Variants in SOS1 observed in about 807,000 individuals in gnomAD.
SOS1 encodes SOS Ras/Rac guanine nucleotide exchange factor 1, also known as son of sevenless homolog 1.
In SOS1, 25 loss-of-function variants were observed where a neutral mutation model predicts 157.6. That is an observed-to-expected ratio of 0.16 (90% CI 0.12 to 0.22). The LOEUF is 0.22. Ranked by LOEUF, SOS1 falls within the 10% of genes least tolerant of loss-of-function variation. SOS1 has a pLI of 1.00. For synonymous variants in SOS1, 528 were observed against 534.0 expected, an observed-to-expected ratio of 0.99 and a Z score of 0.16; for missense variants, 1,237 against 1,599.1, an observed-to-expected ratio of 0.77 and a Z score of 3.86.
chr2:38,986,225 G>A lies in SOS1; in HGVS notation c.3601C>T (p.Arg1201Trp), dbSNP rs752395541. The A allele has an allele frequency of 1.2e-6, 2 of 1,613,830 alleles. No homozygotes were observed. Among genetic ancestry groups the A allele is most frequent in the South Asian group, 2.2e-5 (2 of 91,064 alleles). Residue 1201 changes from arginine (R) to tryptophan (W), a missense_variant, in exon 23 of 23, where the codon CGG becomes TGG. By Grantham distance (101) the Arg-to-Trp change is moderately radical. Coordinates refer to ENST00000402219, the MANE Select transcript of SOS1 (RefSeq NM_005633.4). ...TCAGGAGGGTCTGAGATAGAGGTCC[G>A]GTCTGATATTGAATATCGTGGTGAA... ...AYSPRYSISD[R>W]TSISDPPESP... is the part of the protein sequence containing the mutation.
At chr2:39,087,164 C>T (rs764935661) in intron 1 of SOS1, among the ~76,000 whole-genome samples, 1 of 151,998 alleles carries the variant, frequency 6.6e-6, no homozygotes, top group Non-Finnish European at 1.5e-5. Flanking sequence ...GTATAGAGGC[C>T]GCTTCAATGC....
chr2:39,081,010 A>T (rs890551632), intron 1 of SOS1, among the ~76,000 whole-genome samples: 2 of 151,558 alleles, frequency 1.3e-5, no homozygotes, highest in African/African-American at 4.8e-5. Flanking sequence ...ACAAAGTGAG[A>T]CCTTGTCTCT....
intron 1 of SOS1, among the ~76,000 whole-genome samples, chr2:39,104,852 T>G (rs1000364364): frequency 6.6e-6 from 1 of 152,168 alleles, no homozygotes; most frequent in Non-Finnish European, 1.5e-5. Context: ...ACATTAAATA[T>G]CTAGAAGAGG....
At chr2:39,093,173 A>G (rs1422831390) in intron 1 of SOS1, among the ~76,000 whole-genome samples, 1 of 152,230 alleles carries the variant, frequency 6.6e-6, no homozygotes, top group Non-Finnish European at 1.5e-5. Context: ...TTTCCCCTAC[A>G]CATATAATGA....
chr2:39,044,864 G>GCGCGCACA (rs147443441), intron 6 of SOS1, among the ~76,000 whole-genome samples: 22,580 of 147,582 alleles, frequency 0.15, 2,096 homozygotes, highest in Non-Finnish European at 0.21. Flanking sequence ...GCGCGCGCGC[G>GCGCGCACA]CACACACACA....
intron 11 of SOS1, 51 bp downstream of exon 11, chr2:39,014,712 ATC>A (rs1370263232): frequency 9.3e-6 from 9 of 971,398 alleles, no homozygotes; most frequent in South Asian, 5.9e-5. Context: ...TCTTAGCTCA[ATC>A]TCTTTTTTAA....
Position 39,022,863 on chromosome 2 carries a change from T to C in SOS1, c.1565A>G (p.Asn522Ser). The C allele has an allele frequency of 6.2e-7, 1 of 1,613,012 alleles. No homozygotes were observed. The highest frequency in any genetic ancestry group is 8.5e-7 in the Non-Finnish European group (1 of 1,179,350). ...TGACTTGGCAGAAAATATAACACTATTTTCATCTTTTAAAATTATTTCAAA... is the reference window on the plus strand; with the variant it reads ...TGACTTGGCAGAAAATATAACACTACTTTCATCTTTTAAAATTATTTCAAA... Reference protein sequence around the residue: ...HAFEIILKDENSVIFSAKSAE... With the variant: ...HAFEIILKDESSVIFSAKSAE... The change falls in exon 10 of 23, where the codon AAT (asparagine) becomes AGT (serine). Residue 522 changes from asparagine (N) to serine (S), a missense_variant. Physicochemically the swap from Asn to Ser is conservative, Grantham distance 46. Around this residue, in one of 15 missense-constraint regions of SOS1, gnomAD observed 210 missense variants for 220.2 expected, o/e 0.95. Transcript: ENST00000402219.
At chr2:39,049,619 G>GT (rs928491833) in intron 6 of SOS1, among the ~76,000 whole-genome samples, 2 of 151,906 alleles carry the variant, frequency 1.3e-5, no homozygotes, top group Admixed American at 6.6e-5. Flanking sequence ...AATTTGCCTT[G>GT]TTTTTTGGAA....
At chr2:39,096,125 T>C (rs1348390737) in intron 1 of SOS1, among the ~76,000 whole-genome samples, 3 of 152,194 alleles carry the variant, frequency 2.0e-5, no homozygotes, top group African/African-American at 7.2e-5. Flanking sequence ...AAAATGAACA[T>C]CTACAAGCTA....
chr2:39,085,215 T>A lies in SOS1; in HGVS notation c.88-17462A>T, dbSNP rs1404243383. 4.6e-5 allele frequency among the ~76,000 whole-genome samples: 7 copies of A among 150,898 alleles called. No homozygotes were observed. In the South Asian group the frequency reaches 8.3e-4, roughly 18 times the overall value. On this transcript the variant is annotated intron_variant, in intron 1 of 22. Transcript: ENST00000402219. ...CATACACCACCATGCTCAGCTAATTTTTCTTTTTTTTTGTAGAAATGGGTG... is the reference window on the plus strand; with the variant it reads ...CATACACCACCATGCTCAGCTAATTATTCTTTTTTTTTGTAGAAATGGGTG...
intron 8 of SOS1, among the ~76,000 whole-genome samples, chr2:39,027,651 T>C (rs1670009077): frequency 6.6e-6 from 1 of 152,180 alleles, no homozygotes; most frequent in African/African-American, 2.4e-5. Flanking sequence ...ATCCTCTTGT[T>C]ACCAGTGATA....
chr2:39,089,436 G>A (rs1672498418), intron 1 of SOS1, among the ~76,000 whole-genome samples: 1 of 150,720 alleles, frequency 6.6e-6, no homozygotes, highest in Non-Finnish European at 1.5e-5. Context: ...GGAGGCTGAA[G>A]CATGAGAATT....
intron 6 of SOS1, among the ~76,000 whole-genome samples, chr2:39,043,338 C>A (rs1441558554): frequency 1.3e-5 from 2 of 152,080 alleles, no homozygotes; most frequent in African/African-American, 2.4e-5. Context: ...TTTATTGTAT[C>A]ATAAACTGAT....
Position 39,056,670 on chromosome 2 carries a change from T to TA in SOS1, c.510+31dup, listed in dbSNP as rs1176496365. On this transcript the variant is annotated intron_variant, in intron 4 of 22. Coordinates refer to ENST00000402219, the MANE Select transcript of SOS1 (RefSeq NM_005633.4). ...ATCTAATAAGTCATAAAAAGAAACT[T>TA]AAGAAAAAAATAGAAAAGCTCAGTT... 2.1e-6 allele frequency: 3 copies of TA among 1,456,166 alleles called. No individual in the cohort carries two copies. The East Asian group carries it at 6.8e-5, about 33-fold the overall frequency. 90.2% of individuals were successfully genotyped at this position (1,456,166 alleles called of 1,614,324 possible). A position where few individuals can be genotyped will look rare whatever the true frequency, so the allele number is the denominator to read the frequency against.
chr2:39,044,249 G>T (rs150134713), intron 6 of SOS1, among the ~76,000 whole-genome samples: 23 of 152,286 alleles, frequency 1.5e-4, no homozygotes, highest in African/African-American at 5.5e-4. Flanking sequence ...CTACTGGGGT[G>T]GCTGAGGCAT....
At chr2:39,000,706 T>G (rs1490261555) in intron 17 of SOS1, among the ~76,000 whole-genome samples, 1 of 152,248 alleles carries the variant, frequency 6.6e-6, no homozygotes, top group Non-Finnish European at 1.5e-5. Flanking sequence ...TACACAGTGC[T>G]GTGACTTATT....
chr2:38,987,098 G>C (rs952017199), intron 22 of SOS1, among the ~76,000 whole-genome samples: 6 of 152,152 alleles, frequency 3.9e-5, no homozygotes, highest in Admixed American at 1.3e-4. Flanking sequence ...GCTCAGATAA[G>C]TAAATTTTAG....
intron 1 of SOS1, among the ~76,000 whole-genome samples, chr2:39,105,481 A>G (rs1474127635): frequency 1.3e-5 from 2 of 152,198 alleles, no homozygotes; most frequent in Non-Finnish European, 2.9e-5. Flanking sequence ...ACTCATATGG[A>G]CAGATTACAG....
intron 8 of SOS1, among the ~76,000 whole-genome samples, chr2:39,034,293 T>C (rs1292984330): frequency 6.6e-6 from 1 of 152,254 alleles, no homozygotes; most frequent in African/African-American, 2.4e-5. Flanking sequence ...TCCAGTTTAC[T>C]GTTAATAAAT....
Sources: allele counts gnomAD v4.1 joint callset (sites outside exome capture counted in the v4.1 genomes callset), GRCh38; gene constraint gnomAD v4.1.1; regional missense constraint gnomAD v4.1.1; transcripts MANE v1.5; gene names NCBI Gene and HGNC (gene_info 2026-07-23, HGNC 2026-07-21).